The following HPSE2 variants were observed in gnomAD, a reference collection of about 807,000 sequenced individuals.
The protein encoded by HPSE2 is heparanase 2 (inactive), also known as inactive heparanase-2.
HPSE2 carries 38 observed loss-of-function variants against 60.5 expected under a neutral mutation model. The ratio of observed to expected loss-of-function variants is 0.63; its 90% CI spans 0.48 to 0.82. The LOEUF (loss-of-function observed/expected upper bound fraction) is 0.82, where lower values mean the gene tolerates loss of function less well. Among genes scored for constraint, HPSE2 ranks in the 40% least tolerant of loss-of-function variants. The probability of loss-of-function intolerance (pLI) is 0.00; values close to 1 mark genes in which losing one functional copy is unlikely to be tolerated. For missense variants in HPSE2, 713 were observed against 740.4 expected (o/e 0.96, Z 0.43); for synonymous variants, 295 against 293.2 (o/e 1.01, Z -0.06).
the HPSE2 span, among the ~76,000 whole-genome samples, chr10:99,299,135 C>T: frequency 6.6e-6 from 1 of 152,076 alleles, no homozygotes; most frequent in Admixed American, 6.5e-5. Flanking sequence ...CTCTTTGGAG[C>T]CTCCCCCCTC....
chr10:99,132,241 G>GAGAAAGAAAGAAAGAAAGAAAGAA (rs1162292360), intron 3 of HPSE2, among the ~76,000 whole-genome samples: 47 of 28,930 alleles, frequency 1.6e-3, no homozygotes, highest in East Asian at 7.7e-3. Flanking sequence ...GAGAGAGAGA[G>GAGAAAGAAAGAAAGAAAGAAAGAA]AGAAAGAAAG....
At chr10:99,015,983 C>T (rs570310707) in intron 3 of HPSE2, among the ~76,000 whole-genome samples, 2 of 151,988 alleles carry the variant, frequency 1.3e-5, no homozygotes, top group Non-Finnish European at 2.9e-5. Context: ...TTCTACCATT[C>T]TGTAGGCTAT....
intron 9 of HPSE2, among the ~76,000 whole-genome samples, chr10:98,589,205 T>C (rs1000615551): frequency 2.0e-5 from 3 of 152,214 alleles, no homozygotes; most frequent in Admixed American, 6.5e-5. Flanking sequence ...CACAATCCCA[T>C]GCATTGTATA....
chr10:98,712,356 ATATGTCTT>A (rs1340260675), intron 5 of HPSE2, among the ~76,000 whole-genome samples: 16 of 152,098 alleles, frequency 1.1e-4, no homozygotes, highest in African/African-American at 3.9e-4. Flanking sequence ...ATAATTTTTA[ATATGTCTT>A]TAAGGAAGGG....
At chr10:98,949,161 C>T (rs748522919) in intron 3 of HPSE2, among the ~76,000 whole-genome samples, 2 of 151,866 alleles carry the variant, frequency 1.3e-5, no homozygotes, top group Admixed American at 6.6e-5. Flanking sequence ...AATAAAATAA[C>T]CAAGTGTTTT....
intron 9 of HPSE2, among the ~76,000 whole-genome samples, chr10:98,506,030 C>A (rs1352919374): frequency 6.6e-6 from 1 of 151,800 alleles, no homozygotes; most frequent in East Asian, 1.9e-4. Flanking sequence ...TATCTAGTAT[C>A]TAAACAAAAT....
At chr10:98,747,847 A>C (rs916520486) in intron 3 of HPSE2, among the ~76,000 whole-genome samples, 2 of 152,152 alleles carry the variant, frequency 1.3e-5, no homozygotes, top group African/African-American at 4.8e-5. Flanking sequence ...GAAGTTTCTT[A>C]AGTTTGGTAC....
chr10:99,056,111 T>C (rs1019198026), intron 3 of HPSE2, among the ~76,000 whole-genome samples: 2 of 142,910 alleles, frequency 1.4e-5, no homozygotes, highest in African/African-American at 5.0e-5. Flanking sequence ...ATATCAGGAA[T>C]AAAAGCAGAC....
At position 98,645,521 on chromosome 10, in the gene HPSE2, C is replaced by G. The variant is rs1217878285; in HGVS notation, c.1005-3581G>C. Reference sequence around the variant, plus strand: ...ACAGCATCTTTTTAATAACTTCAGTCTGAGTCCAATTCACATTTGAATGTC... The same window carrying G: ...ACAGCATCTTTTTAATAACTTCAGTGTGAGTCCAATTCACATTTGAATGTC... On this transcript the variant is annotated intron_variant, in intron 6 of 11. Coordinates refer to ENST00000370552, the MANE Select transcript of HPSE2 (RefSeq NM_021828.5). Among the ~76,000 whole-genome samples, 4 of 152,228 alleles carry G rather than the reference C, an allele frequency of 2.6e-5. No individual in the cohort carries two copies. In the East Asian group the frequency reaches 7.7e-4, roughly 29 times the overall value.
chr10:99,188,327 T>C (rs1848103095), intron 2 of HPSE2, among the ~76,000 whole-genome samples: 1 of 152,064 alleles, frequency 6.6e-6, no homozygotes, highest in Admixed American at 6.6e-5. Context: ...TTTTGAGGAA[T>C]AGGAATGTTA....
At chr10:98,915,101 C>T (rs1362509139) in intron 3 of HPSE2, among the ~76,000 whole-genome samples, 2 of 149,928 alleles carry the variant, frequency 1.3e-5, no homozygotes, top group Non-Finnish European at 1.5e-5. Context: ...TATATAACCT[C>T]GATAAACTTT....
chr10:99,132,219 G>GGA (rs1845455587), intron 3 of HPSE2, among the ~76,000 whole-genome samples: 3 of 22,080 alleles, frequency 1.4e-4, no homozygotes, highest in Admixed American at 1.3e-3. Flanking sequence ...GAGAGAGAGA[G>GGA]AGAGAGAGAG....
At chr10:98,881,172 C>A (rs1443165951) in intron 3 of HPSE2, among the ~76,000 whole-genome samples, 1 of 152,056 alleles carries the variant, frequency 6.6e-6, no homozygotes, top group Non-Finnish European at 1.5e-5. Context: ...GCAGGAAGAA[C>A]ATAGAATGAT....
chr10:99,026,786 T>C (rs894871518), intron 3 of HPSE2, among the ~76,000 whole-genome samples: 12 of 152,034 alleles, frequency 7.9e-5, no homozygotes, highest in Non-Finnish European at 1.5e-4. Flanking sequence ...CTGACCACAA[T>C]AGAATAAAAC....
In HPSE2 at chr10:98,824,757, C is replaced by T. The variant is rs148126207; in HGVS notation, c.611-80701G>A. Among the ~76,000 whole-genome samples, 223 of 152,318 alleles carry T rather than the reference C, an allele frequency of 1.5e-3. 2 individuals are homozygous for T. The highest frequency in any genetic ancestry group is 5.1e-3 in the African/African-American group (212 of 41,568). On this transcript the variant is annotated intron_variant, in intron 3 of 11. Coordinates refer to ENST00000370552, the MANE Select transcript of HPSE2 (RefSeq NM_021828.5). ...AGAATATCAAAACCATTTCATGAGTCTGCATTGTTTTCAAGAAAACCCCTC... is the reference window on the plus strand; with the variant it reads ...AGAATATCAAAACCATTTCATGAGTTTGCATTGTTTTCAAGAAAACCCCTC...
chr10:98,869,841 C>T (rs1174260923), intron 3 of HPSE2, among the ~76,000 whole-genome samples: 1 of 152,086 alleles, frequency 6.6e-6, no homozygotes, highest in East Asian at 1.9e-4. Flanking sequence ...TATTGAGAGG[C>T]ATACTGTCAA....
At chr10:99,052,604 C>T (rs774842375) in intron 3 of HPSE2, among the ~76,000 whole-genome samples, 2 of 151,832 alleles carry the variant, frequency 1.3e-5, no homozygotes, top group Non-Finnish European at 2.9e-5. Flanking sequence ...ATAAAGAGAA[C>T]CACACACAGC....
intron 3 of HPSE2, among the ~76,000 whole-genome samples, chr10:98,825,899 G>T (rs1365397027): frequency 6.6e-6 from 1 of 152,148 alleles, no homozygotes; most frequent in Non-Finnish European, 1.5e-5. Flanking sequence ...ACTATGAGAG[G>T]AGAAAGATGG....
the HPSE2 span, among the ~76,000 whole-genome samples, chr10:99,266,091 C>T: frequency 6.6e-6 from 1 of 152,342 alleles, no homozygotes; most frequent in Admixed American, 6.5e-5. Flanking sequence ...TGCAGTTGAA[C>T]TTTGTAACAA....
Sources: allele counts gnomAD v4.1 joint callset (sites outside exome capture counted in the v4.1 genomes callset), GRCh38; gene constraint gnomAD v4.1.1; transcripts MANE v1.5; gene names NCBI Gene and HGNC (gene_info 2026-07-23, HGNC 2026-07-21).